RIMS1: variants seen among roughly 807,000 people sequenced by gnomAD.
The protein encoded by RIMS1 is regulating synaptic membrane exocytosis protein 1.
A neutral mutation model predicts 214.1 loss-of-function variants in RIMS1; 83 were observed. That is an observed-to-expected ratio of 0.39 (90% confidence interval 0.32 to 0.47). The LOEUF (loss-of-function observed/expected upper bound fraction) is 0.47, where lower values mean the gene tolerates loss of function less well. Among genes scored for constraint, RIMS1 ranks in the 20% least tolerant of loss-of-function variants. The pLI is 0.99. For synonymous variants in RIMS1, 793 were observed against 786.8 expected, an observed-to-expected ratio of 1.01 and a Z score of -0.13; for missense variants, 2,050 against 2,161.8, an observed-to-expected ratio of 0.95 and a Z score of 1.03.
At chr6:72,374,965 A>G (rs1362996579) in intron 29 of RIMS1, among the ~76,000 whole-genome samples, 2 of 152,182 alleles carry the variant, frequency 1.3e-5, no homozygotes, top group African/African-American at 4.8e-5. Flanking sequence ...AGTTCACAAT[A>G]GGGTTCATTC....
chr6:72,085,549 A>T (rs1318472792), intron 2 of RIMS1, among the ~76,000 whole-genome samples: 1 of 152,160 alleles, frequency 6.6e-6, no homozygotes, highest in Non-Finnish European at 1.5e-5. Flanking sequence ...CATTGGGATG[A>T]TTATTTTTAT....
At chr6:72,151,518 G>A (rs1005833789) in intron 4 of RIMS1, among the ~76,000 whole-genome samples, 4 of 152,168 alleles carry the variant, frequency 2.6e-5, no homozygotes, top group Non-Finnish European at 5.9e-5. Flanking sequence ...TGATAGGGAA[G>A]AAAAACTTGC....
intron 2 of RIMS1, among the ~76,000 whole-genome samples, chr6:72,054,661 A>G (rs552836915): frequency 1.3e-5 from 2 of 152,174 alleles, no homozygotes; most frequent in South Asian, 4.1e-4. Flanking sequence ...TTTGATTTGC[A>G]TTTCTCTAGA....
At chr6:72,050,696 G>T (rs986624142) in intron 2 of RIMS1, among the ~76,000 whole-genome samples, 8 of 152,098 alleles carry the variant, frequency 5.3e-5, no homozygotes, top group African/African-American at 1.7e-4. Flanking sequence ...CTCCTTTGGG[G>T]AGTCATCACT....
At chr6:72,132,231 T>C (rs1214435838) in intron 4 of RIMS1, among the ~76,000 whole-genome samples, 1 of 152,156 alleles carries the variant, frequency 6.6e-6, no homozygotes, top group African/African-American at 2.4e-5. Flanking sequence ...GTGATAAGTG[T>C]CCATGAAATC....
chr6:72,329,295 C>T (rs2096582391), intron 28 of RIMS1, among the ~76,000 whole-genome samples: 1 of 151,672 alleles, frequency 6.6e-6, no homozygotes, highest in Non-Finnish European at 1.5e-5. Context: ...AGAAAAATAG[C>T]AAATGTTGGA....
chr6:72,023,798 G>C (rs1225229607), intron 2 of RIMS1, among the ~76,000 whole-genome samples: 1 of 152,026 alleles, frequency 6.6e-6, no homozygotes, highest in Non-Finnish European at 1.5e-5. Flanking sequence ...TTACTTCATA[G>C]AGATATTTAC....
At chr6:72,192,296 T>C (rs879422788) in intron 6 of RIMS1, among the ~76,000 whole-genome samples, 2 of 152,156 alleles carry the variant, frequency 1.3e-5, no homozygotes, top group Non-Finnish European at 2.9e-5. Flanking sequence ...AAATGTCTGA[T>C]CATTTTTTCC....
chr6:71,966,080 A>G (rs970641767), intron 1 of RIMS1, among the ~76,000 whole-genome samples: 3 of 152,212 alleles, frequency 2.0e-5, no homozygotes, highest in African/African-American at 4.8e-5. Context: ...ATCCAATTCA[A>G]TTATAATTTT....
chr6:72,010,143 G>A (rs1352903556), intron 2 of RIMS1, among the ~76,000 whole-genome samples: 1 of 152,046 alleles, frequency 6.6e-6, no homozygotes, highest in African/African-American at 2.4e-5. Context: ...TGATCAAGTG[G>A]GCTTCATCCT....
chr6:72,202,107 A>G (rs1301944847), intron 6 of RIMS1, among the ~76,000 whole-genome samples: 1 of 152,190 alleles, frequency 6.6e-6, no homozygotes, highest in Non-Finnish European at 1.5e-5. Flanking sequence ...TGTCTTTTTT[A>G]AAAGCACATG....
intron 2 of RIMS1, among the ~76,000 whole-genome samples, chr6:71,971,972 A>G (rs1339404826): frequency 2.0e-5 from 3 of 152,194 alleles, no homozygotes; most frequent in Admixed American, 6.5e-5. Flanking sequence ...AAGCATATAT[A>G]TCTAACAAGA....
intron 2 of RIMS1, among the ~76,000 whole-genome samples, chr6:72,082,399 C>A (rs538530069): frequency 9.2e-5 from 14 of 152,250 alleles, no homozygotes; most frequent in African/African-American, 3.1e-4. Context: ...CCATTTTAAT[C>A]CTCACAACAA....
At chr6:72,031,993 A>G (rs1036149144) in intron 2 of RIMS1, among the ~76,000 whole-genome samples, 2 of 152,178 alleles carry the variant, frequency 1.3e-5, no homozygotes, top group African/African-American at 2.4e-5. Flanking sequence ...TTAAGAGAAA[A>G]CAATGAGGAA....
intron 28 of RIMS1, among the ~76,000 whole-genome samples, chr6:72,330,099 A>G (rs2096609322): frequency 6.6e-6 from 1 of 151,862 alleles, no homozygotes; most frequent in Non-Finnish European, 1.5e-5. Context: ...AAGAGGATCA[A>G]GGTCCTGCCA....
intron 15 of RIMS1, among the ~76,000 whole-genome samples, chr6:72,252,413 C>T (rs1328400575): frequency 6.6e-6 from 1 of 152,132 alleles, no homozygotes; most frequent in Non-Finnish European, 1.5e-5. Context: ...CCTATTCTCT[C>T]TGAACTGCAG....
chr6:72,065,076 T>C (rs933686609), intron 2 of RIMS1, among the ~76,000 whole-genome samples: 1 of 152,180 alleles, frequency 6.6e-6, no homozygotes, highest in African/African-American at 2.4e-5. Context: ...GGTGATATGA[T>C]TAGTTATTAA....
chr6:72,178,785 T>C lies in RIMS1; in HGVS notation c.472-790T>C, dbSNP rs545081116. Reference sequence around the variant, plus strand: ...CTCATTATTACATTCATTTTAAAGGTCATCAAATGGAGAACAGACATATAG... The same window carrying C: ...CTCATTATTACATTCATTTTAAAGGCCATCAAATGGAGAACAGACATATAG... On this transcript the variant is annotated intron_variant, in intron 4 of 33. Transcript: ENST00000521978. 7.9e-5 allele frequency among the ~76,000 whole-genome samples: 12 copies of C among 152,344 alleles called. No individual in the cohort carries two copies. In the South Asian group the frequency reaches 2.5e-3, roughly 32 times the overall value.
intron 19 of RIMS1, chr6:72,263,838 C>G (rs183815921): frequency 1.6e-4 from 50 of 313,512 alleles, no homozygotes; most frequent in African/African-American, 1.2e-3. Flanking sequence ...CACACACACA[C>G]ACAAATTAGG....
Sources: gnomAD v4.1 joint callset for allele counts (sites outside exome capture counted in the v4.1 genomes callset) on GRCh38, gnomAD v4.1.1 for gene constraint, MANE v1.5 for transcripts, NCBI Gene and HGNC (gene_info 2026-07-23, HGNC 2026-07-21) for gene names.